DBF4: variants seen among roughly 807,000 people sequenced by gnomAD.
DBF4 encodes protein DBF4 homolog A.
A neutral mutation model predicts 76.6 loss-of-function variants in DBF4; 25 were observed. The observed-to-expected ratio is 0.33, with a 90% CI of 0.24 to 0.46. The LOEUF is 0.46. Among genes scored for constraint, DBF4 ranks in the 20% least tolerant of loss-of-function variants. DBF4 has a pLI of 1.00. For missense variants in DBF4, 638 were observed against 760.8 expected (o/e 0.84, Z 1.90); for synonymous variants, 213 against 258.0 (o/e 0.83, Z 1.67).
rs1839047642 is a variant in DBF4 at position 87,876,667 on chromosome 7, G to A, written c.-66G>A. ...TCCTGTCAACAGGCCGGGGGAAGCC[G>A]TGCTTTCGCGGCTGCCCGGTGCGAC... On this transcript the variant is annotated 5_prime_UTR_variant, in exon 1 of 12. The change creates a new upstream start codon in the 5' untranslated region. Transcript: ENST00000265728. The A allele has an allele frequency of 1.9e-6, 3 of 1,585,218 alleles. No individual in the cohort carries two copies. The highest frequency in any genetic ancestry group is 2.6e-6 in the Non-Finnish European group (3 of 1,159,784).
rs140625734 is a variant in DBF4 at position 87,894,297 on chromosome 7, A to T, written c.598-2177A>T. Among the ~76,000 whole-genome samples, 603 of 152,204 alleles carry T rather than the reference A, an allele frequency of 4.0e-3. 1 individual carries two copies. Among genetic ancestry groups the T allele is most frequent in the Non-Finnish European group, 6.9e-3 (468 of 68,004 alleles). On this transcript the variant is annotated intron_variant, in intron 6 of 11. Coordinates refer to ENST00000265728, the MANE Select transcript of DBF4 (RefSeq NM_006716.4). ...ATGGTGAAACCCCATCTCTACAAAA[A>T]ATATATATATAAATTAGCCAGGCCT... is the stretch of plus-strand genomic sequence containing the variant.
At chr7:87,884,909 C>A in intron 2 of DBF4, 70 bp from the exon 3 acceptor site, 1 of 1,209,722 alleles carries the variant, frequency 8.3e-7, no homozygotes, top group Non-Finnish European at 1.2e-6. Context: ...TGCACTCTAG[C>A]CTGGATAACA....
chr7:87,898,615 C>A (rs562730775), intron 8 of DBF4, among the ~76,000 whole-genome samples: 2 of 151,824 alleles, frequency 1.3e-5, no homozygotes, highest in Admixed American at 6.6e-5. Context: ...TACGGTGAAA[C>A]CCTGTCTCTA....
Position 87,886,851 on chromosome 7 carries a change from T to TA in DBF4, c.409dup (p.Ser137LysfsTer8). On this transcript the variant is annotated frameshift_variant, in exon 4 of 12. Transcript: ENST00000265728. LOFTEE classifies it high-confidence loss of function. The stretch of plus-strand genomic sequence containing the variant: ...TTTCTGGTCTTTTTATAGGTGTGTT[T>TA]AAGCAGAGGAAAATTATTAGTTGAA... The TA allele has an allele frequency of 1.3e-6, 2 of 1,567,434 alleles. No individual in the cohort carries two copies. The highest frequency in any genetic ancestry group is 1.7e-6 in the Non-Finnish European group (2 of 1,143,630).
chr7:87,891,698 A>C, intron 6 of DBF4, among the ~76,000 whole-genome samples: 1 of 152,022 alleles, frequency 6.6e-6, no homozygotes, highest in East Asian at 1.9e-4. Context: ...TAGTTTTACC[A>C]GTTATTAATA....
At chr7:87,893,395 G>A (rs1198504584) in intron 6 of DBF4, among the ~76,000 whole-genome samples, 2 of 151,536 alleles carry the variant, frequency 1.3e-5, no homozygotes, top group African/African-American at 4.8e-5. Context: ...ACAGGCGCCC[G>A]CCACCGCGCC....
At chr7:87,904,668 A>G (rs1839872202) in intron 11 of DBF4, among the ~76,000 whole-genome samples, 1 of 152,168 alleles carries the variant, frequency 6.6e-6, no homozygotes, top group South Asian at 2.1e-4. Context: ...CTTGAAACCC[A>G]GGAGGCAGAG....
chr7:87,878,591 A>C (rs1839129160), intron 2 of DBF4: 2 of 167,776 alleles, frequency 1.2e-5, no homozygotes, highest in African/African-American at 4.8e-5. Context: ...ACAGTTAAGA[A>C]TGTTACTACA....
At chr7:87,895,287 CTTTACT>C (rs1374294683) in intron 6 of DBF4, among the ~76,000 whole-genome samples, 1 of 151,948 alleles carries the variant, frequency 6.6e-6, no homozygotes, top group East Asian at 1.9e-4. Context: ...GTGTGTTTAC[CTTTACT>C]TTTAAAGTCT....
At chr7:87,878,334 G>A in intron 2 of DBF4, 109 bp downstream of exon 2, 1 of 845,838 alleles carries the variant, frequency 1.2e-6, no homozygotes, top group South Asian at 2.0e-5. Context: ...TTAGCACCAA[G>A]CTTAACATTT....
rs76657835 is a variant in DBF4 at position 87,900,466 on chromosome 7, T to C, written c.809+117T>C. On this transcript the variant is annotated intron_variant, in intron 9 of 11. Transcript: ENST00000265728. ...AATGGTTATTTGTGTTTGTAATTAC[T>C]ATTCTGATTACTTTTATAAGTCTGA... 2.5e-4 allele frequency: 294 copies of C among 1,188,860 alleles called. 2 individuals are homozygous for C. In the African/African-American group the frequency reaches 4.2e-3, roughly 17 times the overall value. The allele number at this position is 1,188,860 out of a possible 1,614,324, so 73.6% of individuals were successfully genotyped here. A position where few individuals can be genotyped will look rare whatever the true frequency, so the allele number is the denominator to read the frequency against.
At chr7:87,905,335 C>T (rs186477717) in intron 11 of DBF4, among the ~76,000 whole-genome samples, 66 of 152,328 alleles carry the variant, frequency 4.3e-4, no homozygotes, top group Non-Finnish European at 8.2e-4. Context: ...TATAGTGTAT[C>T]AGCTCCTGTT....
At chr7:87,895,193 G>A (rs1444821142) in intron 6 of DBF4, among the ~76,000 whole-genome samples, 1 of 152,170 alleles carries the variant, frequency 6.6e-6, no homozygotes, top group Non-Finnish European at 1.5e-5. Context: ...CACTCAGATA[G>A]TATATTTTTC....
intron 1 of DBF4, among the ~76,000 whole-genome samples, chr7:87,877,390 T>TTG (rs1300398825): frequency 1.3e-5 from 2 of 152,172 alleles, no homozygotes; most frequent in Non-Finnish European, 2.9e-5. Context: ...GTACAGGTGT[T>TTG]TGTGTGTGTG....
At position 87,876,727 on chromosome 7, in the gene DBF4, A is replaced by G; in HGVS notation, c.-6A>G. On this transcript the variant is annotated 5_prime_UTR_variant, in exon 1 of 12. Coordinates refer to ENST00000265728, the MANE Select transcript of DBF4 (RefSeq NM_006716.4). ...GGACCCAGCATGTAGGTGCCGGGCG[A>G]CTGCCATGAACTCCGGAGCCATGAG... 2 of 1,614,086 alleles carry G rather than the reference A, an allele frequency of 1.2e-6. No homozygotes were observed. The highest frequency in any genetic ancestry group is 1.7e-6 in the Non-Finnish European group (2 of 1,180,014).
At chr7:87,897,273 T>C in intron 7 of DBF4, 21 bp from the exon 8 acceptor site, 2 of 1,593,096 alleles carry the variant, frequency 1.3e-6, no homozygotes, top group African/African-American at 2.7e-5. Context: ...AAGTATCTAA[T>C]ATGTTTTCTA....
At chr7:87,876,963 C>T (rs553401565) in intron 1 of DBF4, among the ~76,000 whole-genome samples, 185 bp downstream of exon 1, 8 of 152,298 alleles carry the variant, frequency 5.3e-5, no homozygotes, top group South Asian at 2.1e-4. Context: ...CTGACCCGGC[C>T]CCTCGAGCGC....
At chr7:87,904,561 A>C in intron 11 of DBF4, 145 bp downstream of exon 11, 1 of 967,736 alleles carries the variant, frequency 1.0e-6, no homozygotes, top group Admixed American at 3.5e-5. Flanking sequence ...CCAACATGGC[A>C]AAACCCCATC....
chr7:87,902,047 T>C (rs1584371850), intron 10 of DBF4, among the ~76,000 whole-genome samples: 2 of 152,340 alleles, frequency 1.3e-5, no homozygotes, highest in Non-Finnish European at 2.9e-5. Flanking sequence ...CTCAGAAATA[T>C]TTCCCCTTCC....
Sources: allele counts gnomAD v4.1 joint callset (sites outside exome capture counted in the v4.1 genomes callset), GRCh38; gene constraint gnomAD v4.1.1; transcripts MANE v1.5; gene names NCBI Gene and HGNC (gene_info 2026-07-23, HGNC 2026-07-21).